GPSM3: variants seen among roughly 807,000 people sequenced by gnomAD.
The protein encoded by GPSM3 is G protein signaling modulator 3.
Under a neutral mutation model 20.4 loss-of-function variants are expected in GPSM3, and 16 were observed. The ratio of observed to expected loss-of-function variants is 0.78; its 90% CI spans 0.53 to 1.19. The LOEUF (loss-of-function observed/expected upper bound fraction) is 1.19. Among genes scored for constraint, GPSM3 ranks in the 50% most tolerant of loss-of-function variants. GPSM3 has a pLI of 0.00. For missense variants in GPSM3, 177 were observed against 204.6 expected (o/e 0.86, Z 0.82); for synonymous variants, 70 against 79.6 (o/e 0.88, Z 0.64).
At chr6:32,195,004 G>T, upstream of GPSM3, 1 of 244,346 alleles carries the variant, frequency 4.1e-6, no homozygotes, top group Non-Finnish European at 8.0e-6. This position sits in a 1 kb window ranked among gnomAD's most constrained non-coding sequence, Gnocchi z 5.4. Flanking sequence ...CCACTTTTCA[G>T]CACCTACACA....
In GPSM3 at chr6:32,191,639, T is replaced by A; in HGVS notation, c.345+70A>T. 1 of 1,479,500 alleles carries A rather than the reference T, an allele frequency of 6.8e-7. No individual in the cohort carries two copies. The highest frequency in any genetic ancestry group is 2.1e-5 in the Admixed American group (1 of 47,350). 91.6% of individuals were successfully genotyped at this position (1,479,500 alleles called of 1,614,324 possible). Reference sequence around the variant, plus strand: ...TGGGGTGCCTAGGGAGAAACAGGAGTAGAGCCCCAAAGAGAACAGGGGCCA... The same window carrying A: ...TGGGGTGCCTAGGGAGAAACAGGAGAAGAGCCCCAAAGAGAACAGGGGCCA... On this transcript the variant is annotated intron_variant, in intron 3 of 3. Transcript: ENST00000375040. This position sits in a 1 kb window ranked among gnomAD's most constrained non-coding sequence, Gnocchi z 5.9.
chr6:32,195,273 T>A (rs1787787178), upstream of GPSM3: 2 of 666,998 alleles, frequency 3.0e-6, no homozygotes, highest in Non-Finnish European at 4.9e-6. This position sits in a 1 kb window ranked among gnomAD's most constrained non-coding sequence, Gnocchi z 5.4. Context: ...CTGCAGCTTC[T>A]CCACGTGGAA....
chr6:32,191,482 G>A lies in GPSM3; in HGVS notation c.367C>T (p.Arg123Trp), dbSNP rs1787509404. The A allele has an allele frequency of 6.4e-7, 1 of 1,568,972 alleles. No homozygotes were observed. Among genetic ancestry groups the A allele is most frequent in the Non-Finnish European group, 8.6e-7 (1 of 1,159,206 alleles). ...SHQCQRMEAQ[R>W]SEPPLPPGGQ... ...CCTGGAGGGAGGGGAGGCTCTGACC[G>A]CTGGGCTTCCATCCGCTGGCACTGG... The change falls in exon 4 of 4, where the codon CGG becomes TGG. Residue 123 changes from arginine (R) to tryptophan (W), a missense_variant. Arg to Trp is a moderately radical substitution (Grantham distance 101, BLOSUM62 -3). Coordinates refer to ENST00000375040, the MANE Select transcript of GPSM3 (RefSeq NM_001276501.2). The surrounding 1 kb of genome is among the most constrained non-coding windows in gnomAD (Gnocchi z 5.9).
At position 32,191,043 on chromosome 6, in the gene GPSM3, T is replaced by C; in HGVS notation, c.*323A>G. ...CCTCAGACCCTACTGCCTAGTAGCT[T>C]GACAACTGGTGGTGTCCCCACAAGT... is the stretch of plus-strand genomic sequence containing the variant. On this transcript the variant is annotated 3_prime_UTR_variant, in exon 4 of 4. Transcript: ENST00000375040. The surrounding 1 kb of genome is among the most constrained non-coding windows in gnomAD (Gnocchi z 5.9). The C allele has an allele frequency of 1.3e-5, 4 of 302,056 alleles. No individual in the cohort carries two copies. The East Asian group carries it at 2.7e-4, about 20-fold the overall frequency. 18.7% of individuals were successfully genotyped at this position (302,056 alleles called of 1,614,324 possible). A position where few individuals can be genotyped will look rare whatever the true frequency, so the allele number is the denominator to read the frequency against.
upstream of GPSM3, chr6:32,195,223 G>T: frequency 1.8e-6 from 1 of 569,338 alleles, no homozygotes; most frequent in Non-Finnish European, 3.1e-6. This position sits in a 1 kb window ranked among gnomAD's most constrained non-coding sequence, Gnocchi z 5.4. Context: ...AGGAGGACTG[G>T]GCCTGCCTCA....
Position 32,191,226 on chromosome 6 carries a change from G to A in GPSM3, c.*140C>T, listed in dbSNP as rs1787485188. ...TTCACCCTGTCCAGTTCCCAGGGAA[G>A]GTGATGTGGGAGATGAATATTGAGA... is the stretch of plus-strand genomic sequence containing the variant. On this transcript the variant is annotated 3_prime_UTR_variant, in exon 4 of 4. Transcript: ENST00000375040. The surrounding 1 kb of genome is among the most constrained non-coding windows in gnomAD (Gnocchi z 5.9). The A allele has an allele frequency of 9.7e-7, 1 of 1,027,360 alleles. No individual in the cohort carries two copies. 63.6% of individuals were successfully genotyped at this position (1,027,360 alleles called of 1,614,324 possible). A position where few individuals can be genotyped will look rare whatever the true frequency, so the allele number is the denominator to read the frequency against.
chr6:32,191,891 C>G lies in GPSM3; in HGVS notation c.163G>C (p.Ala55Pro). ...TRHTALGPRS[A>P]SLLSLQTELL... ...TCAGTCTGCAGGGAGAGCAGGGAGGCCGAGCGGGGTCCCAGGGCTGGGGAG... is the reference window on the plus strand; with the variant it reads ...TCAGTCTGCAGGGAGAGCAGGGAGGGCGAGCGGGGTCCCAGGGCTGGGGAG... The change falls in exon 3 of 4, where the codon GCC becomes CCC. Residue 55 changes from alanine (A) to proline (P), a missense_variant. Physicochemically the swap from Ala to Pro is conservative, Grantham distance 27 (BLOSUM62 -1). Transcript: ENST00000375040. This position sits in a 1 kb window ranked among gnomAD's most constrained non-coding sequence, Gnocchi z 5.9. The G allele has an allele frequency of 6.2e-7, 1 of 1,611,104 alleles. No individual in the cohort carries two copies. Among genetic ancestry groups the G allele is most frequent in the South Asian group, 1.1e-5 (1 of 90,974 alleles).
upstream of GPSM3, chr6:32,192,861 A>C: frequency 1.8e-5 from 5 of 285,078 alleles, no homozygotes; most frequent in East Asian, 1.2e-4. The surrounding 1 kb of genome is among the most constrained non-coding windows in gnomAD (Gnocchi z 5.1). Context: ...TAGTCCCCTA[A>C]TCCCTGGCTC....
chr6:32,195,151 G>C (rs1787770282), upstream of GPSM3: 1 of 453,426 alleles, frequency 2.2e-6, no homozygotes, highest in Non-Finnish European at 3.9e-6. The surrounding 1 kb of genome is among the most constrained non-coding windows in gnomAD (Gnocchi z 5.4). Context: ...TGCAATTCTT[G>C]GTTCCAACTT....
At chr6:32,194,908 CTAG>C (rs1246716272), upstream of GPSM3, 2 of 234,090 alleles carry the variant, frequency 8.5e-6, no homozygotes, top group Non-Finnish European at 1.7e-5. The surrounding 1 kb of genome is among the most constrained non-coding windows in gnomAD (Gnocchi z 4.5). Context: ...ATAGCAGTGG[CTAG>C]AAGAAGCGCT....
chr6:32,192,730 C>T (rs957790131), upstream of GPSM3: 20 of 454,308 alleles, frequency 4.4e-5, no homozygotes, highest in Non-Finnish European at 7.5e-5. This position sits in a 1 kb window ranked among gnomAD's most constrained non-coding sequence, Gnocchi z 5.1. Context: ...ACCCAAACAG[C>T]TTGTTCAGTC....
rs1234801150 is a variant in GPSM3, at chr6:32,191,900, G to A, written c.154C>T (p.Pro52Ser). ...PPGTRHTALG[P>S]RSASLLSLQT... ...AGGGAGAGCAGGGAGGCCGAGCGGG[G>A]TCCCAGGGCTGGGGAGAGGGGTGTG... is the stretch of plus-strand genomic sequence containing the variant. Residue 52 changes from proline to serine, a missense_variant, in exon 3 of 4, where the codon CCC becomes TCC. Transcript: ENST00000375040. The surrounding 1 kb of genome is among the most constrained non-coding windows in gnomAD (Gnocchi z 5.9). 1 of 1,611,116 alleles carries A rather than the reference G, an allele frequency of 6.2e-7. No individual in the cohort carries two copies. The highest frequency in any genetic ancestry group is 1.7e-5 in the Admixed American group (1 of 59,996).
chr6:32,191,317 G>C lies in GPSM3; in HGVS notation c.*49C>G. On this transcript the variant is annotated 3_prime_UTR_variant, in exon 4 of 4. Coordinates refer to ENST00000375040, the MANE Select transcript of GPSM3 (RefSeq NM_001276501.2). This position sits in a 1 kb window ranked among gnomAD's most constrained non-coding sequence, Gnocchi z 5.9. ...AAGAGTTGAGGGCATGCAATGGGCTGCCCAGCTTTGAGACCAGTGGCAAGG... is the reference window on the plus strand; with the variant it reads ...AAGAGTTGAGGGCATGCAATGGGCTCCCCAGCTTTGAGACCAGTGGCAAGG... 1.9e-6 allele frequency: 3 copies of C among 1,558,704 alleles called. No homozygotes were observed. The highest frequency in any genetic ancestry group is 2.6e-6 in the Non-Finnish European group (3 of 1,159,902).
upstream of GPSM3, chr6:32,192,847 T>C (rs1327523483): frequency 6.3e-6 from 2 of 318,544 alleles, no homozygotes; most frequent in South Asian, 1.1e-4. This position sits in a 1 kb window ranked among gnomAD's most constrained non-coding sequence, Gnocchi z 5.1. Flanking sequence ...CTCCAGAGCC[T>C]CAGTAGTCCC....
rs940316327 is a variant in GPSM3, at chr6:32,191,260, G to C, written c.*106C>G. On this transcript the variant is annotated 3_prime_UTR_variant, in exon 4 of 4. Coordinates refer to ENST00000375040, the MANE Select transcript of GPSM3 (RefSeq NM_001276501.2). This position sits in a 1 kb window ranked among gnomAD's most constrained non-coding sequence, Gnocchi z 5.9. ...GGAGATGAATATTGAGATTTGTGCC[G>C]TGTCTTTCAGTCTCTGGTACCCCTG... 17 of 1,303,624 alleles carry C rather than the reference G, an allele frequency of 1.3e-5. No individual in the cohort carries two copies. The highest frequency in any genetic ancestry group is 3.1e-5 in the African/African-American group (2 of 64,994). 80.8% of individuals were successfully genotyped at this position (1,303,624 alleles called of 1,614,324 possible).
upstream of GPSM3, chr6:32,195,339 C>T (rs1787792193): frequency 1.7e-6 from 2 of 1,168,386 alleles, no homozygotes; most frequent in Non-Finnish European, 1.2e-6. This position sits in a 1 kb window ranked among gnomAD's most constrained non-coding sequence, Gnocchi z 5.4. Flanking sequence ...AACTCACAAC[C>T]CTTCATTTTG....
chr6:32,192,079 G>A lies in GPSM3; in HGVS notation c.145+69C>T. The A allele has an allele frequency of 7.4e-7, 1 of 1,349,824 alleles. No individual in the cohort carries two copies. Among genetic ancestry groups the A allele is most frequent in the Non-Finnish European group, 1.0e-6 (1 of 979,284 alleles). 83.6% of individuals were successfully genotyped at this position (1,349,824 alleles called of 1,614,324 possible). A position where few individuals can be genotyped will look rare whatever the true frequency, so the allele number is the denominator to read the frequency against. On this transcript the variant is annotated intron_variant, in intron 2 of 3. Transcript: ENST00000375040. This position sits in a 1 kb window ranked among gnomAD's most constrained non-coding sequence, Gnocchi z 5.1. ...AGGTGGGGAGAGGGCCCACAATGGA[G>A]TGGGCCTTGGTAATGGGGTCAGGAT...
Position 32,191,750 on chromosome 6 carries a change from C to T in GPSM3, c.304G>A (p.Glu102Lys), listed in dbSNP as rs1294672048. 5 of 1,612,278 alleles carry T rather than the reference C, an allele frequency of 3.1e-6. No individual in the cohort carries two copies. Among genetic ancestry groups the T allele is most frequent in the Non-Finnish European group, 4.2e-6 (5 of 1,179,716 alleles). ...GTGCTGTAAAGCTGTTCTCTGTCCT[C>T]GAGAGGACGGAGTGGGGCAGGGGCT... ...SLAPAPLRPLEDREQLYSTIL... is the reference protein window; with the variant it reads ...SLAPAPLRPLKDREQLYSTIL... Residue 102 changes from glutamate to lysine, a missense_variant, in exon 3 of 4, where the codon GAG becomes AAG. Glu to Lys is a moderately conservative substitution (Grantham distance 56). Transcript: ENST00000375040. The surrounding 1 kb of genome is among the most constrained non-coding windows in gnomAD (Gnocchi z 5.9).
In GPSM3 at chr6:32,192,386, C is replaced by T; in HGVS notation, c.42+86G>A. On this transcript the variant is annotated intron_variant, in intron 1 of 3. Coordinates refer to ENST00000375040, the MANE Select transcript of GPSM3 (RefSeq NM_001276501.2). The surrounding 1 kb of genome is among the most constrained non-coding windows in gnomAD (Gnocchi z 5.1). The stretch of plus-strand genomic sequence containing the variant: ...CTCAGTTTGCCCAAGCCTTTCAAGG[C>T]CCCTGTGTCCCTACATTTCTGCCCC... 3 of 1,455,316 alleles carry T rather than the reference C, an allele frequency of 2.1e-6. No individual in the cohort carries two copies. The highest frequency in any genetic ancestry group is 2.8e-6 in the Non-Finnish European group (3 of 1,063,840). 90.2% of individuals were successfully genotyped at this position (1,455,316 alleles called of 1,614,324 possible).
Sources: allele counts gnomAD v4.1 joint callset, GRCh38; gene constraint gnomAD v4.1.1; non-coding constraint Gnocchi (gnomAD v3.1); transcripts MANE v1.5; gene names NCBI Gene and HGNC (gene_info 2026-07-23, HGNC 2026-07-21).